The following CHDH variants were observed in gnomAD, a reference collection of about 807,000 sequenced individuals.
The protein encoded by CHDH is choline dehydrogenase.
In CHDH, 43 loss-of-function variants were observed where a neutral mutation model predicts 56.9. The observed-to-expected ratio is 0.76, with a 90% confidence interval of 0.59 to 0.97. CHDH has a LOEUF of 0.97. CHDH is among the 50% of genes least tolerant of loss of function. The probability of loss-of-function intolerance (pLI) is 0.00; values close to 1 mark genes in which losing one functional copy is unlikely to be tolerated. For synonymous variants in CHDH, 364 were observed against 348.5 expected (o/e 1.04, Z -0.50); for missense variants, 816 against 821.1 (o/e 0.99, Z 0.08).
chr3:53,832,553 CA>C (rs200210995), intron 2 of CHDH, among the ~76,000 whole-genome samples: 5 of 149,338 alleles, frequency 3.3e-5, no homozygotes, highest in East Asian at 2.0e-4. Context: ...AATAATAAAA[CA>C]AAAAAAAACA....
chr3:53,836,970 T>C (rs983176149), intron 2 of CHDH, among the ~76,000 whole-genome samples: 2 of 152,148 alleles, frequency 1.3e-5, no homozygotes, highest in Admixed American at 1.3e-4. Context: ...CTTGATGCAG[T>C]TGAGGAGTTG....
In CHDH at chr3:53,819,118, TA is replaced by T; in HGVS notation, c.1264-79del. 1.0e-6 allele frequency: 1 copy of T among 998,040 alleles called. No individual in the cohort carries two copies. 61.8% of individuals were successfully genotyped at this position (998,040 alleles called of 1,614,324 possible). On this transcript the variant is annotated intron_variant, in intron 7 of 8. Coordinates refer to ENST00000315251, the MANE Select transcript of CHDH (RefSeq NM_018397.5). The surrounding 1 kb of genome is among the most constrained non-coding windows in gnomAD (Gnocchi z 5.4). The stretch of plus-strand genomic sequence containing the variant: ...ACCTCTGTCAACCCTGGTTTACCTG[TA>T]GGGTGGGCCTCTGCTTCCAGAATCA...
intron 2 of CHDH, among the ~76,000 whole-genome samples, chr3:53,831,376 C>T (rs1210228523): frequency 1.3e-5 from 2 of 152,214 alleles, no homozygotes; most frequent in Non-Finnish European, 1.5e-5. Context: ...CTGGCTTCAC[C>T]GCTGGCTAAC....
intron 2 of CHDH, among the ~76,000 whole-genome samples, chr3:53,837,903 C>T (rs1416336050): frequency 6.6e-6 from 1 of 151,830 alleles, no homozygotes; most frequent in Non-Finnish European, 1.5e-5. Context: ...ACTAAAAATA[C>T]AAAAATTAGC....
intron 2 of CHDH, among the ~76,000 whole-genome samples, chr3:53,833,911 G>T (rs1698416050): frequency 6.6e-6 from 1 of 152,176 alleles, no homozygotes; most frequent in Non-Finnish European, 1.5e-5. Flanking sequence ...CCTTCCATCT[G>T]GCCGGCTGGC....
chr3:53,828,162 GACACACAC>G lies in CHDH; in HGVS notation c.-59-4103_-59-4096del, dbSNP rs60594351. Among the ~76,000 whole-genome samples the G allele has an allele frequency of 8.3e-4, 121 of 145,242 alleles. 2 individuals carry two copies. The East Asian group carries it at 0.011, about 13-fold the overall frequency. ...TCAACAAAGGGAGCTGGAATAACTA[GACACACAC>G]ACACACACACACACACACACACACA... On this transcript the variant is annotated intron_variant, in intron 2 of 8. Coordinates refer to ENST00000315251, the MANE Select transcript of CHDH (RefSeq NM_018397.5).
At chr3:53,828,088 GATCTTT>G (rs1698206866) in intron 2 of CHDH, among the ~76,000 whole-genome samples, 1 of 151,542 alleles carries the variant, frequency 6.6e-6, no homozygotes, top group Non-Finnish European at 1.5e-5. Context: ...GTAGCCAACT[GATCTTT>G]GACAAGTCAT....
intron 8 of CHDH, among the ~76,000 whole-genome samples, chr3:53,818,711 A>C (rs2095620322): frequency 1.3e-5 from 2 of 152,182 alleles, no homozygotes; most frequent in South Asian, 2.1e-4. Context: ...TGAAAGCTGA[A>C]AATCTCCCCT....
intron 2 of CHDH, among the ~76,000 whole-genome samples, chr3:53,837,354 G>A (rs537241098): frequency 2.0e-5 from 3 of 152,362 alleles, no homozygotes; most frequent in East Asian, 3.9e-4. Flanking sequence ...TTGGCCCCTT[G>A]TGCCCTGGCT....
At chr3:53,834,027 A>T (rs918423956) in intron 2 of CHDH, among the ~76,000 whole-genome samples, 32 of 151,984 alleles carry the variant, frequency 2.1e-4, no homozygotes, top group African/African-American at 7.5e-4. Context: ...CAGTGGGTGG[A>T]TCAAGCAGAG....
rs1171697776 is a variant in CHDH at position 53,816,276 on chromosome 3, C to G, written c.*1501G>C. ...ACGCAACAATGCTTTTCTTCCCAGC[C>G]CTTGACGGTGGATGTGGATGTCTGG... is the stretch of plus-strand genomic sequence containing the variant. On this transcript the variant is annotated 3_prime_UTR_variant, in exon 9 of 9. Coordinates refer to ENST00000315251, the MANE Select transcript of CHDH (RefSeq NM_018397.5). 1 of 152,102 alleles carries G rather than the reference C, an allele frequency of 6.6e-6. No homozygotes were observed. Among genetic ancestry groups the G allele is most frequent in the African/African-American group, 2.4e-5 (1 of 41,396 alleles). The allele number at this position is 152,102 out of a possible 1,614,324, so 9.4% of individuals were successfully genotyped here. A position where few individuals can be genotyped will look rare whatever the true frequency, so the allele number is the denominator to read the frequency against.
intron 2 of CHDH, among the ~76,000 whole-genome samples, chr3:53,829,119 A>G (rs1017431087): frequency 6.6e-6 from 1 of 152,210 alleles, no homozygotes; most frequent in Non-Finnish European, 1.5e-5. Context: ...ACTTAAATGC[A>G]TAATTACTAA....
At chr3:53,835,612 G>A (rs1698470429) in intron 2 of CHDH, among the ~76,000 whole-genome samples, 1 of 152,208 alleles carries the variant, frequency 6.6e-6, no homozygotes, top group South Asian at 2.1e-4. Context: ...CAATCTCTGT[G>A]AGACCTCGAA....
At chr3:53,822,704 G>C in intron 3 of CHDH, 62 bp from the exon 4 acceptor site, 2 of 1,562,774 alleles carry the variant, frequency 1.3e-6, no homozygotes, top group Non-Finnish European at 1.7e-6. Context: ...TGGGCAGGAG[G>C]AAGGAGCTGG....
At chr3:53,836,540 T>C (rs1298011103) in intron 2 of CHDH, among the ~76,000 whole-genome samples, 1 of 152,264 alleles carries the variant, frequency 6.6e-6, no homozygotes, top group Non-Finnish European at 1.5e-5. Flanking sequence ...ACATCCATCC[T>C]GGGACTTCTC....
chr3:53,836,916 T>G (rs1698514122), intron 2 of CHDH, among the ~76,000 whole-genome samples: 2 of 152,256 alleles, frequency 1.3e-5, no homozygotes, highest in Non-Finnish European at 2.9e-5. Context: ...TTAAAATGTT[T>G]AAAACAATTT....
chr3:53,843,065 C>A (rs150555921), intron 1 of CHDH, among the ~76,000 whole-genome samples: 434 of 152,104 alleles, frequency 2.9e-3, no homozygotes, highest in Middle Eastern at 0.017. Context: ...CAGGACTTGT[C>A]AACAACCCTG....
At chr3:53,821,858 AC>A (rs772298060) in intron 4 of CHDH, 82 bp from the exon 5 acceptor site, 158 of 1,545,280 alleles carry the variant, frequency 1.0e-4, no homozygotes, top group Middle Eastern at 1.9e-4. Flanking sequence ...TCTAGCCAGC[AC>A]CATGAGAACA....
chr3:53,831,144 G>T lies in CHDH; in HGVS notation c.-59-7077C>A, dbSNP rs559759007. Among the ~76,000 whole-genome samples the T allele has an allele frequency of 9.2e-5, 14 of 152,352 alleles. No homozygotes were observed. In the East Asian group the frequency reaches 2.7e-3, roughly 29 times the overall value. On this transcript the variant is annotated intron_variant, in intron 2 of 8. Coordinates refer to ENST00000315251, the MANE Select transcript of CHDH (RefSeq NM_018397.5). The stretch of plus-strand genomic sequence containing the variant: ...TGGTATCCTGGCAGTCCTCCCTGTG[G>T]GCCTGTGGTGGTCGCCATGGTGTGA...
Sources: gnomAD v4.1 joint callset for allele counts (sites outside exome capture counted in the v4.1 genomes callset) on GRCh38, gnomAD v4.1.1 for gene constraint, Gnocchi (gnomAD v3.1) non-coding constraint, MANE v1.5 for transcripts, NCBI Gene and HGNC (gene_info 2026-07-23, HGNC 2026-07-21) for gene names.